Variants in PNPLA6 observed in about 807,000 individuals in gnomAD.
PNPLA6 encodes the protein patatin like domain 6, lysophospholipase.
In PNPLA6, 105 loss-of-function variants were observed where a neutral mutation model predicts 153.7. That is an observed-to-expected ratio of 0.68 (90% confidence interval 0.58 to 0.80). PNPLA6 has a LOEUF of 0.80. Among genes scored for constraint, PNPLA6 ranks in the 30% least tolerant of loss-of-function variants. PNPLA6 has a pLI of 0.00. For synonymous variants in PNPLA6, 825 were observed against 822.2 expected (o/e 1.00, Z -0.06); for missense variants, 1,423 against 1,919.3 (o/e 0.74, Z 4.83).
At chr19:7,534,268 G>A, upstream of PNPLA6, 1 of 286,794 alleles carries the variant, frequency 3.5e-6, no homozygotes, top group Non-Finnish European at 6.8e-6. Context: ...TAGCCTCGCA[G>A]GGGTGTCCCT....
rs745665473 is a variant in PNPLA6 at position 7,543,070 on chromosome 19, C to T, written c.1594C>T (p.Arg532Cys). 44 of 1,613,782 alleles carry T rather than the reference C, an allele frequency of 2.7e-5. No homozygotes were observed. Among genetic ancestry groups the T allele is most frequent in the Admixed American group, 3.3e-5 (2 of 59,992 alleles). ...CGCCAAAGCTGGCACCATCATTGCC[C>T]GCCAGGGAGACCAGGTGAGGCTGAC... ...HHAKAGTIIA[R>C]QGDQDVSLHF... The change falls in exon 13 of 32, where the codon CGC (arginine) becomes TGC (cysteine). Residue 532 changes from arginine (R) to cysteine (C), a missense_variant. This residue lies in a region of PNPLA6 where 119 missense variants were observed against 163.7 expected (regional missense o/e 0.73). Transcript: ENST00000600737.
At chr19:7,551,232 T>A in intron 17 of PNPLA6, 125 bp downstream of exon 17, 3 of 752,316 alleles carry the variant, frequency 4.0e-6, no homozygotes, top group East Asian at 3.3e-5. Flanking sequence ...AGCGAGAGAG[T>A]GAGGGCGGGG....
chr19:7,560,146 ATAATAT>A (rs1039879724), intron 28 of PNPLA6, among the ~76,000 whole-genome samples: 8 of 152,192 alleles, frequency 5.3e-5, no homozygotes, highest in African/African-American at 1.9e-4. Flanking sequence ...GTCTCAAAAA[ATAATAT>A]TAATTTTAAA....
intron 28 of PNPLA6, 108 bp downstream of exon 28, chr19:7,559,259 TC>T: frequency 1.1e-6 from 1 of 933,412 alleles, no homozygotes; most frequent in Non-Finnish European, 1.7e-6. Flanking sequence ...AATCCAGGAA[TC>T]CCATCTGGAA....
rs756057083 is a variant in PNPLA6, at chr19:7,542,542, C to G, written c.1253-19C>G. On this transcript the variant is annotated intron_variant, in intron 10 of 31. Transcript: ENST00000600737. ...ACTCTCATCTTTATGGTTTTTGTTG[C>G]CCCCCTGCCTGCCTGCAGGCTTGCA... 18 of 1,581,938 alleles carry G rather than the reference C, an allele frequency of 1.1e-5. No individual in the cohort carries two copies. The highest frequency in any genetic ancestry group is 1.7e-4 in the Middle Eastern group (1 of 6,028).
chr19:7,555,252 G>T lies in PNPLA6; in HGVS notation c.2821G>T (p.Glu941Ter). 1 of 1,596,636 alleles carries T rather than the reference G, an allele frequency of 6.3e-7. No homozygotes were observed. The highest frequency in any genetic ancestry group is 1.7e-5 in the Admixed American group (1 of 57,518). ...GCGACTATCTCCCCCATCCCAGCATGAGCTCTACGAGAAGGTTTTCTCCAG... is the reference window on the plus strand; with the variant it reads ...GCGACTATCTCCCCCATCCCAGCATTAGCTCTACGAGAAGGTTTTCTCCAG... ...FSRRSPAKLH[E>*]LYEKVFSRRA... is the part of the protein sequence containing the mutation. The change falls in exon 23 of 32, where the codon GAG (glutamate) becomes TAG (stop). Residue 941 changes from glutamate (E) to a stop codon, truncating the protein, a stop_gained. Coordinates refer to ENST00000600737, the MANE Select transcript of PNPLA6 (RefSeq NM_001166114.2). LOFTEE classifies it high-confidence loss of function. The surrounding 1 kb of genome is among the most constrained non-coding windows in gnomAD (Gnocchi z 6.3).
At chr19:7,557,987 G>A (rs1022539165) in intron 27 of PNPLA6, among the ~76,000 whole-genome samples, 1 of 152,184 alleles carries the variant, frequency 6.6e-6, no homozygotes, top group Non-Finnish European at 1.5e-5. Flanking sequence ...TTACACACAC[G>A]TGTACACACA....
At chr19:7,549,282 T>G (rs12460390) in intron 13 of PNPLA6, among the ~76,000 whole-genome samples, 99,236 of 145,750 alleles carry the variant, frequency 0.68, 34,030 homozygotes, top group South Asian at 0.79. Flanking sequence ...CGCCTCCCGG[T>G]TTCACGCCAT....
chr19:7,535,905 T>C lies in PNPLA6; in HGVS notation c.117T>C (p.Gly39=). The change falls in exon 1 of 32, where the codon GGT becomes GGC. Residue 39 remains glycine, a synonymous_variant. Transcript: ENST00000600737. The surrounding 1 kb of genome is among the most constrained non-coding windows in gnomAD (Gnocchi z 5.0). ...AAGGCTCGGCGGGACGGATTTGCGG[T>C]GCGCAGCCAGTGCCGTTCGTCCCTC... is the stretch of plus-strand genomic sequence containing the variant. The part of the protein sequence containing the change: ...PGEGSAGRIC[G]AQPVPFVPQV... 1 of 1,555,014 alleles carries C rather than the reference T, an allele frequency of 6.4e-7. No homozygotes were observed. The highest frequency in any genetic ancestry group is 8.7e-7 in the Non-Finnish European group (1 of 1,155,806).
chr19:7,554,539 C>A lies in PNPLA6; in HGVS notation c.2466-16C>A. Reference sequence around the variant, plus strand: ...CAGGCCAACCCCAGGATGACGCTGCCCCCTTCCCACCCTAGCATCCAAGAG... The same window carrying A: ...CAGGCCAACCCCAGGATGACGCTGCACCCTTCCCACCCTAGCATCCAAGAG... On this transcript the variant is annotated splice_polypyrimidine_tract_variant and intron_variant, in intron 20 of 31. Transcript: ENST00000600737. 6.2e-7 allele frequency: 1 copy of A among 1,613,992 alleles called. No individual in the cohort carries two copies. Among genetic ancestry groups the A allele is most frequent in the Non-Finnish European group, 8.5e-7 (1 of 1,179,944 alleles).
intron 20 of PNPLA6, 107 bp from the exon 21 acceptor site, chr19:7,554,448 G>A (rs1599302904): frequency 6.6e-6 from 9 of 1,368,632 alleles, no homozygotes; most frequent in Non-Finnish European, 8.3e-6. Flanking sequence ...CTTCCGTGGT[G>A]GGGGTTTGGG....
chr19:7,551,324 C>G, intron 17 of PNPLA6, 38 bp from the exon 18 acceptor site: 2 of 1,600,882 alleles, frequency 1.2e-6, no homozygotes, highest in Non-Finnish European at 1.7e-6. Context: ...CAGCCGCTTC[C>G]CAGGTCTCAC....
rs2023828884 is a variant in PNPLA6 at position 7,555,339 on chromosome 19, G to A, written c.2908G>A (p.Ala970Thr). ...LARVLTGNTI[A>T]LVLGGGGARG... ...GAGGGTGCTCACGGGGAACACCATT[G>A]CCCTTGTGCTAGGCGGGGGCGGGGC... is the stretch of plus-strand genomic sequence containing the variant. Residue 970 changes from alanine (A) to threonine (T), a missense_variant, in exon 23 of 32, where the codon GCC becomes ACC. By Grantham distance (58) the Ala-to-Thr change is moderately conservative. Coordinates refer to ENST00000600737, the MANE Select transcript of PNPLA6 (RefSeq NM_001166114.2). The surrounding 1 kb of genome is among the most constrained non-coding windows in gnomAD (Gnocchi z 6.3). 2 of 1,566,864 alleles carry A rather than the reference G, an allele frequency of 1.3e-6. No homozygotes were observed. Among genetic ancestry groups the A allele is most frequent in the Non-Finnish European group, 8.7e-7 (1 of 1,155,374 alleles).
intron 19 of PNPLA6, 74 bp from the exon 20 acceptor site, chr19:7,554,135 G>T: frequency 6.4e-7 from 1 of 1,573,834 alleles, no homozygotes; most frequent in South Asian, 1.1e-5. Context: ...GCGGGGTAAT[G>T]GGTATTCTTT....
rs751973893 is a variant in PNPLA6, at chr19:7,541,476, G to A, written c.1005+42G>A. ...GAGCGAGCACAGGGGGGATGGGGGC[G>A]AGGTCTCCCTCCCAGGACAGGCCAC... On this transcript the variant is annotated intron_variant, in intron 8 of 31. Coordinates refer to ENST00000600737, the MANE Select transcript of PNPLA6 (RefSeq NM_001166114.2). The surrounding 1 kb of genome is among the most constrained non-coding windows in gnomAD (Gnocchi z 5.2). The A allele has an allele frequency of 3.1e-6, 5 of 1,611,956 alleles. No individual in the cohort carries two copies. The highest frequency in any genetic ancestry group is 3.4e-6 in the Non-Finnish European group (4 of 1,178,826).
chr19:7,551,680 G>C (rs542010052), intron 18 of PNPLA6, among the ~76,000 whole-genome samples: 2 of 152,282 alleles, frequency 1.3e-5, no homozygotes, highest in South Asian at 4.1e-4. Context: ...TAATGGGCTC[G>C]AAAGTAAATC....
intron 20 of PNPLA6, 93 bp from the exon 21 acceptor site, chr19:7,554,462 C>CT: frequency 6.8e-7 from 1 of 1,470,036 alleles, no homozygotes; most frequent in Non-Finnish European, 9.5e-7. Context: ...GTTTGGGTGT[C>CT]TAAGTTCCTC....
intron 28 of PNPLA6, among the ~76,000 whole-genome samples, chr19:7,560,045 C>T (rs1293535913): frequency 6.6e-6 from 1 of 150,742 alleles, no homozygotes; most frequent in Non-Finnish European, 1.5e-5. Context: ...GAGGCTGCAG[C>T]AGGAGAAATC....
At position 7,542,943 on chromosome 19, in the gene PNPLA6, G is replaced by T. The variant is rs2023222539; in HGVS notation, c.1530+15G>T. 6.2e-7 allele frequency: 1 copy of T among 1,613,752 alleles called. No individual in the cohort carries two copies. Among genetic ancestry groups the T allele is most frequent in the Non-Finnish European group, 8.5e-7 (1 of 1,179,934 alleles). On this transcript the variant is annotated intron_variant, in intron 12 of 31. Transcript: ENST00000600737. ...TGCGGATTGAGGTGGGCAGCCGAGG[G>T]GAGCTGGGCACAGGGCGCAAGGGAG...
Sources: allele counts gnomAD v4.1 joint callset (sites outside exome capture counted in the v4.1 genomes callset), GRCh38; gene constraint gnomAD v4.1.1; regional missense constraint gnomAD v4.1.1; non-coding constraint Gnocchi (gnomAD v3.1); transcripts MANE v1.5; gene names NCBI Gene and HGNC (gene_info 2026-07-23, HGNC 2026-07-21).